The following ADGRL3 variants were observed in gnomAD, a reference collection of about 807,000 sequenced individuals.
ADGRL3 encodes calcium-independent alpha-latrotoxin receptor 3.
Under a neutral mutation model 153.5 loss-of-function variants are expected in ADGRL3, and 62 were observed. The observed-to-expected ratio is 0.40, with a 90% CI of 0.33 to 0.50. ADGRL3 has a LOEUF of 0.50. ADGRL3 is among the 20% of genes least tolerant of loss of function. The pLI, the probability that ADGRL3 is intolerant of heterozygous loss-of-function variation, is 0.47. For synonymous variants in ADGRL3, 710 were observed against 672.5 expected (o/e 1.06, Z -0.86); for missense variants, 1,641 against 1,859.4 (o/e 0.88, Z 2.16).
In ADGRL3 at chr4:62,072,460, G is replaced by A. The variant is rs1000062763; in HGVS notation, c.*1552G>A. 2 of 152,486 alleles carry A rather than the reference G, an allele frequency of 1.3e-5. No individual in the cohort carries two copies. The highest frequency in any genetic ancestry group is 4.8e-5 in the African/African-American group (2 of 41,410). The allele number at this position is 152,486 out of a possible 1,614,324, so 9.4% of individuals were successfully genotyped here. On this transcript the variant is annotated 3_prime_UTR_variant, in exon 27 of 27. Transcript: ENST00000683033. ...TTTAGAAGATATTGTATTGATGTAT[G>A]TACTATATGATTAATCAGTCTTTTT...
intron 3 of ADGRL3, among the ~76,000 whole-genome samples, chr4:61,505,476 A>T (rs1560748000): frequency 1.3e-5 from 2 of 152,116 alleles, no homozygotes; most frequent in South Asian, 2.1e-4. Flanking sequence ...TTGTATACAA[A>T]ACAGCAAGGC....
At chr4:61,812,188 A>G (rs11727239) in intron 8 of ADGRL3, among the ~76,000 whole-genome samples, 24,208 of 152,162 alleles carry the variant, frequency 0.16, 2,106 homozygotes, top group African/African-American at 0.24. Flanking sequence ...GTACACAATT[A>G]GTGTCTTATT....
intron 1 of ADGRL3, among the ~76,000 whole-genome samples, chr4:61,204,035 C>T (rs562835432): frequency 6.6e-6 from 1 of 151,922 alleles, no homozygotes; most frequent in East Asian, 1.9e-4. Flanking sequence ...GTATTAAATT[C>T]CTTAGGTCTA....
chr4:61,429,537 C>T (rs1425678858), intron 2 of ADGRL3, among the ~76,000 whole-genome samples: 1 of 152,130 alleles, frequency 6.6e-6, no homozygotes, highest in Non-Finnish European at 1.5e-5. Flanking sequence ...TAACCCCCCA[C>T]TTCTGTAGCT....
intron 17 of ADGRL3, among the ~76,000 whole-genome samples, chr4:61,965,516 G>A (rs150682522): frequency 0.026 from 3,941 of 152,150 alleles, 81 homozygotes; most frequent in South Asian, 0.095. Flanking sequence ...TTAGGAGGCC[G>A]AGGTGGGTGG....
intron 6 of ADGRL3, chr4:61,677,179 CTTAA>C: frequency 2.5e-6 from 1 of 405,636 alleles, no homozygotes; most frequent in Non-Finnish European, 4.5e-6. Flanking sequence ...ACACACTTTT[CTTAA>C]TTAATGCAAG....
intron 13 of ADGRL3, among the ~76,000 whole-genome samples, chr4:61,927,251 T>G (rs1343834969): frequency 1.3e-5 from 2 of 152,184 alleles, no homozygotes; most frequent in Non-Finnish European, 2.9e-5. Context: ...TAGATCCATT[T>G]AATTCCTGTA....
At chr4:61,422,964 T>C (rs989399926) in intron 2 of ADGRL3, among the ~76,000 whole-genome samples, 1 of 151,942 alleles carries the variant, frequency 6.6e-6, no homozygotes. Flanking sequence ...CAAAGAAAGG[T>C]GAAAATTCCT....
Position 62,072,052 on chromosome 4 carries a change from A to G in ADGRL3, c.*1144A>G, listed in dbSNP as rs1577781736. ...ACTAGCTATGATTCTAGAAGTCAAA[A>G]GGTGTCTATAGAACTAGTGGGGCTT... On this transcript the variant is annotated 3_prime_UTR_variant, in exon 27 of 27. Coordinates refer to ENST00000683033, the MANE Select transcript of ADGRL3 (RefSeq NM_001387552.1). 1 of 169,546 alleles carries G rather than the reference A, an allele frequency of 5.9e-6. No individual in the cohort carries two copies. Among genetic ancestry groups the G allele is most frequent in the Middle Eastern group, 2.9e-3 (1 of 350 alleles). The allele number at this position is 169,546 out of a possible 1,614,324, so 10.5% of individuals were successfully genotyped here.
At chr4:61,387,208 C>G (rs1032614030) in intron 2 of ADGRL3, among the ~76,000 whole-genome samples, 17 of 151,896 alleles carry the variant, frequency 1.1e-4, no homozygotes, top group Admixed American at 1.1e-3. Flanking sequence ...AGGGAGTGTG[C>G]GAAGAGGTGT....
In ADGRL3 at chr4:62,073,267, A is replaced by C. The variant is rs1285785150; in HGVS notation, c.*2359A>C. On this transcript the variant is annotated 3_prime_UTR_variant, in exon 27 of 27. Coordinates refer to ENST00000683033, the MANE Select transcript of ADGRL3 (RefSeq NM_001387552.1). Reference sequence around the variant, plus strand: ...GCATCATAACCTTCACATCACCTCAAAATATTTTATGTCTCATTCTTTTTT... The same window carrying C: ...GCATCATAACCTTCACATCACCTCACAATATTTTATGTCTCATTCTTTTTT... 6.6e-6 allele frequency: 1 copy of C among 152,170 alleles called. No individual in the cohort carries two copies. Among genetic ancestry groups the C allele is most frequent in the Non-Finnish European group, 1.5e-5 (1 of 68,010 alleles). The allele number at this position is 152,170 out of a possible 1,614,324, so 9.4% of individuals were successfully genotyped here. A position where few individuals can be genotyped will look rare whatever the true frequency, so the allele number is the denominator to read the frequency against.
intron 3 of ADGRL3, among the ~76,000 whole-genome samples, chr4:61,512,452 T>A (rs1260014792): frequency 6.6e-6 from 1 of 152,108 alleles, no homozygotes; most frequent in Non-Finnish European, 1.5e-5. Context: ...TTTTATAACC[T>A]ACTGAGCATT....
chr4:61,609,373 G>A (rs1048808655), intron 5 of ADGRL3, among the ~76,000 whole-genome samples: 9 of 151,896 alleles, frequency 5.9e-5, no homozygotes, highest in Non-Finnish European at 1.2e-4. Context: ...TACTATTTTG[G>A]ACTACACCCT....
chr4:62,027,621 A>G (rs1719494327), intron 21 of ADGRL3, among the ~76,000 whole-genome samples: 1 of 151,942 alleles, frequency 6.6e-6, no homozygotes, highest in Non-Finnish European at 1.5e-5. Context: ...TACTTACTCA[A>G]CATTTATGTA....
At chr4:61,539,558 A>C (rs961153301) in intron 4 of ADGRL3, among the ~76,000 whole-genome samples, 12 of 152,152 alleles carry the variant, frequency 7.9e-5, no homozygotes, top group African/African-American at 2.4e-4. Context: ...ATGTGGTGAC[A>C]GAAAGGCTTA....
chr4:62,007,416 A>G (rs2099164510), intron 21 of ADGRL3, among the ~76,000 whole-genome samples: 1 of 114,044 alleles, frequency 8.8e-6, no homozygotes, highest in Non-Finnish European at 1.9e-5. Flanking sequence ...ACACGTATAT[A>G]TATATACACA....
intron 1 of ADGRL3, among the ~76,000 whole-genome samples, chr4:61,242,845 T>A (rs1755551382): frequency 6.6e-6 from 1 of 152,096 alleles, no homozygotes; most frequent in Admixed American, 6.6e-5. Context: ...TTTAATATTT[T>A]AACATTAAGG....
intron 1 of ADGRL3, among the ~76,000 whole-genome samples, chr4:61,287,171 G>A (rs756021863): frequency 7.2e-5 from 11 of 151,814 alleles, no homozygotes; most frequent in Non-Finnish European, 1.2e-4. Context: ...AGTACACAAT[G>A]TTTACAGTTT....
intron 13 of ADGRL3, among the ~76,000 whole-genome samples, chr4:61,918,481 C>A (rs1307211709): frequency 2.0e-5 from 3 of 152,030 alleles, no homozygotes; most frequent in Admixed American, 6.6e-5. Flanking sequence ...TAGATGAATT[C>A]ATCAAGGGGA....
Sources: gnomAD v4.1 joint callset for allele counts (sites outside exome capture counted in the v4.1 genomes callset) on GRCh38, gnomAD v4.1.1 for gene constraint, MANE v1.5 for transcripts, NCBI Gene and HGNC (gene_info 2026-07-23, HGNC 2026-07-21) for gene names.